Variants in SUSD2 observed in about 807,000 individuals in gnomAD.
SUSD2 encodes sushi domain-containing protein 2.
In SUSD2, 86 loss-of-function variants were observed where a neutral mutation model predicts 93.8. The ratio of observed to expected loss-of-function variants is 0.92; its 90% CI spans 0.77 to 1.10. The LOEUF is 1.10. SUSD2 is among the 50% of genes least tolerant of loss of function. The probability of loss-of-function intolerance (pLI) is 0.00; values close to 1 mark genes in which losing one functional copy is unlikely to be tolerated. For synonymous variants in SUSD2, 483 were observed against 485.0 expected (o/e 1.00, Z 0.05); for missense variants, 1,060 against 1,137.0 (o/e 0.93, Z 0.97).
intron 1 of SUSD2, among the ~76,000 whole-genome samples, chr22:24,181,871 C>T (rs1324237650): frequency 1.3e-5 from 2 of 152,142 alleles, no homozygotes; most frequent in African/African-American, 4.8e-5. Flanking sequence ...CCTGACAGGG[C>T]GGGATCACGG....
Position 24,185,641 on chromosome 22 carries a change from T to C in SUSD2, c.1071-20T>C, listed in dbSNP as rs1053644051. 8 of 1,608,530 alleles carry C rather than the reference T, an allele frequency of 5.0e-6. No individual in the cohort carries two copies. In the African/African-American group the frequency reaches 9.4e-5, roughly 19 times the overall value. Reference sequence around the variant, plus strand: ...TGGGCTCCCAACAGTGGCCTGGCCCTGACTCACTGGCTCCTGCAGCCTCCG... The same window carrying C: ...TGGGCTCCCAACAGTGGCCTGGCCCCGACTCACTGGCTCCTGCAGCCTCCG... On this transcript the variant is annotated intron_variant, in intron 7 of 14. Coordinates refer to ENST00000358321, the MANE Select transcript of SUSD2 (RefSeq NM_019601.4).
In SUSD2 at chr22:24,187,292, TGA is replaced by T; in HGVS notation, c.1735_1736del (p.Ser579CysfsTer7). 6.2e-7 allele frequency: 1 copy of T among 1,614,108 alleles called. No individual in the cohort carries two copies. Among genetic ancestry groups the T allele is most frequent in the African/African-American group, 1.3e-5 (1 of 75,014 alleles). On this transcript the variant is annotated frameshift_variant, in exon 11 of 15. Coordinates refer to ENST00000358321, the MANE Select transcript of SUSD2 (RefSeq NM_019601.4). LOFTEE classifies it high-confidence loss of function. Reference sequence around the variant, plus strand: ...GAGGTCAGCGTGCAGGGCCCGTTCCTGAGTGTGTCCGTCCTGCTGCCTGAGAA... The same window carrying T: ...GAGGTCAGCGTGCAGGGCCCGTTCCTGTGTGTCCGTCCTGCTGCCTGAGAA...
In SUSD2 at chr22:24,183,575, G is replaced by C; in HGVS notation, c.368G>C (p.Ser123Thr). The change falls in exon 3 of 15, where the codon AGC (serine) becomes ACC (threonine). Residue 123 changes from serine to threonine, a missense_variant. By Grantham distance (58) the Ser-to-Thr change is moderately conservative. Transcript: ENST00000358321. The part of the protein sequence containing the change: ...VHCVSPLLYE[S>T]GRIPFTVSLD... The stretch of plus-strand genomic sequence containing the variant: ...TGTGTGTCACCTCTGCTCTATGAGA[G>C]CGGCCGCATCCCCTTCACTGTGTCA... 6.2e-7 allele frequency: 1 copy of C among 1,613,446 alleles called. No individual in the cohort carries two copies. Among genetic ancestry groups the C allele is most frequent in the Admixed American group, 1.7e-5 (1 of 60,028 alleles).
At chr22:24,181,727 G>A in intron 1 of SUSD2, 132 bp downstream of exon 1, 1 of 715,700 alleles carries the variant, frequency 1.4e-6, no homozygotes. Flanking sequence ...GGGGTGATGG[G>A]AAGAAATTCT....
chr22:24,185,606 G>T (rs1426728274), intron 7 of SUSD2, 35 bp downstream of exon 7: 7 of 1,603,996 alleles, frequency 4.4e-6, no homozygotes. Context: ...ATGGGGATTG[G>T]GGTCAGGGGT....
At chr22:24,182,876 C>T (rs1173988002) in intron 1 of SUSD2, 181 bp from the exon 2 acceptor site, 3 of 602,590 alleles carry the variant, frequency 5.0e-6, no homozygotes, top group Non-Finnish European at 8.8e-6. Context: ...AGATTCATCC[C>T]ATCCCCACGG....
At chr22:24,181,812 A>C (rs2047327576) in intron 1 of SUSD2, among the ~76,000 whole-genome samples, 1 of 152,266 alleles carries the variant, frequency 6.6e-6, no homozygotes, top group East Asian at 1.9e-4. Context: ...GCTGGTAGCT[A>C]GGAGGGAGGC....
At chr22:24,184,727 G>T in intron 4 of SUSD2, 39 bp from the exon 5 acceptor site, 1 of 1,525,548 alleles carries the variant, frequency 6.6e-7, no homozygotes, top group Non-Finnish European at 8.8e-7. Flanking sequence ...GCCAGGCCTC[G>T]AAGGAACCCC....
In SUSD2 at chr22:24,187,437, G is replaced by A; in HGVS notation, c.1878G>A (p.Leu626=). Residue 626 remains leucine (L), a synonymous_variant, in exon 11 of 15, where the codon CTG becomes CTA. Transcript: ENST00000358321. ...PPGTSPQELF[L]FGANWTVHNA... is the part of the protein sequence containing the mutation. ...GCACCAGTCCCCAGGAGCTGTTCCT[G>A]TTTGGGGCCAACTGTGAGTGACCGT... The A allele has an allele frequency of 1.2e-6, 2 of 1,613,002 alleles. No individual in the cohort carries two copies. The highest frequency in any genetic ancestry group is 1.7e-6 in the Non-Finnish European group (2 of 1,179,976).
At chr22:24,186,624 C>G in intron 10 of SUSD2, 1 of 617,172 alleles carries the variant, frequency 1.6e-6, no homozygotes. Context: ...TGGGACATGT[C>G]CTCCCTACGG....
intron 10 of SUSD2, 186 bp downstream of exon 10, chr22:24,186,601 G>T: frequency 1.5e-6 from 1 of 678,982 alleles, no homozygotes; most frequent in Non-Finnish European, 2.4e-6. Context: ...CAAAAGCCGA[G>T]AGGCCGTGAC....
chr22:24,181,657 G>A, intron 1 of SUSD2, 62 bp downstream of exon 1: 1 of 1,331,754 alleles, frequency 7.5e-7, no homozygotes, highest in Non-Finnish European at 1.0e-6. Flanking sequence ...GCCAGGCCTG[G>A]GCTGACATCC....
At position 24,185,862 on chromosome 22, in the gene SUSD2, C is replaced by T. The variant is rs371925472; in HGVS notation, c.1272C>T (p.Pro424=). The part of the protein sequence containing the change: ...LSFYYCCLWA[P]DCPRYMQRRP... ...TCTATTACTGCTGCCTCTGGGCACC[C>T]GACTGCCCCCGCTACATGCAACGGC... The change falls in exon 8 of 15, where the codon CCC becomes CCT. Residue 424 remains proline, a synonymous_variant. Coordinates refer to ENST00000358321, the MANE Select transcript of SUSD2 (RefSeq NM_019601.4). The T allele has an allele frequency of 1.7e-5, 27 of 1,596,884 alleles. No individual in the cohort carries two copies. The African/African-American group carries it at 1.7e-4, about 10-fold the overall frequency.
At chr22:24,181,695 C>A in intron 1 of SUSD2, 100 bp downstream of exon 1, 1 of 960,620 alleles carries the variant, frequency 1.0e-6, no homozygotes, top group Non-Finnish European at 1.5e-6. Context: ...GTCCATCTGT[C>A]AGGCCATCTG....
rs138048095 is a variant in SUSD2 at position 24,188,312 on chromosome 22, G to A, written c.2429G>A (p.Arg810His). Reference sequence around the variant, plus strand: ...GCGCTCGTCTATGTGCTGCTGCGCCGCAGGAAGGGCAACACGTGAGACCCC... The same window carrying A: ...GCGCTCGTCTATGTGCTGCTGCGCCACAGGAAGGGCAACACGTGAGACCCC... ...AVALVYVLLR[R>H]RKGNTHVWGA... The change falls in exon 14 of 15, where the codon CGC becomes CAC. Residue 810 changes from arginine to histidine, a missense_variant. Arg to His is a conservative substitution (Grantham distance 29). Coordinates refer to ENST00000358321, the MANE Select transcript of SUSD2 (RefSeq NM_019601.4). The surrounding 1 kb of genome is among the most constrained non-coding windows in gnomAD (Gnocchi z 4.7). The A allele has an allele frequency of 8.0e-4, 1,278 of 1,605,400 alleles. 4 individuals carry two copies. Among genetic ancestry groups the A allele is most frequent in the Non-Finnish European group, 1.0e-3 (1,196 of 1,176,554 alleles).
In SUSD2 at chr22:24,185,283, C is replaced by T. The variant is rs763692383; in HGVS notation, c.972C>T (p.Ser324=). 4.1e-5 allele frequency: 66 copies of T among 1,603,978 alleles called. No individual in the cohort carries two copies. The highest frequency in any genetic ancestry group is 6.7e-5 in the East Asian group (3 of 44,868). The stretch of plus-strand genomic sequence containing the variant: ...CCCTGACCCAGGCCCGGGCTGACTC[C>T]GGCCGCTTCTTCGTGAGCCTCCCAT... ...PCTLTQARAD[S]GRFFTDYGCD... The change falls in exon 6 of 15, where the codon TCC becomes TCT. Residue 324 remains serine, a synonymous_variant. Transcript: ENST00000358321.
rs775058351 is a variant in SUSD2 at position 24,181,530 on chromosome 22, C to T, written c.11C>T (p.Ala4Val). 1.3e-6 allele frequency: 2 copies of T among 1,587,072 alleles called. No individual in the cohort carries two copies. Among genetic ancestry groups the T allele is most frequent in the Non-Finnish European group, 1.7e-6 (2 of 1,170,688 alleles). The change falls in exon 1 of 15, where the codon GCC (alanine) becomes GTC (valine). Residue 4 changes from alanine to valine, a missense_variant. By Grantham distance (64) the Ala-to-Val change is moderately conservative. This residue lies in a region of SUSD2 where 87 missense variants were observed against 131.6 expected (regional missense o/e 0.66). Transcript: ENST00000358321. MKP[A>V]LLPWALLLLA... The stretch of plus-strand genomic sequence containing the variant: ...GACACAGGCTGCACCATGAAGCCAG[C>T]CCTCCTGCCCTGGGCCCTGCTGCTG...
rs369699608 is a variant in SUSD2, at chr22:24,187,306, C to G, written c.1747C>G (p.Leu583Val). The G allele has an allele frequency of 4.3e-6, 7 of 1,614,118 alleles. No individual in the cohort carries two copies. In the African/African-American group the frequency reaches 8.0e-5, roughly 18 times the overall value. ...VQGPFLSVSV[L>V]LPEKFLTHTH... ...GGGCCCGTTCCTGAGTGTGTCCGTC[C>G]TGCTGCCTGAGAAGTTCCTCACCCA... Residue 583 changes from leucine (L) to valine (V), a missense_variant, in exon 11 of 15, where the codon CTG becomes GTG. Leu to Val is a conservative substitution (Grantham distance 32, BLOSUM62 1). Transcript: ENST00000358321.
At chr22:24,187,130 C>A in intron 10 of SUSD2, 72 bp from the exon 11 acceptor site, 1 of 1,556,756 alleles carries the variant, frequency 6.4e-7, no homozygotes, top group South Asian at 1.2e-5. Flanking sequence ...TGCCGACCAC[C>A]CTGTCCTGGG....
Sources: gnomAD v4.1 joint callset for allele counts (sites outside exome capture counted in the v4.1 genomes callset) on GRCh38, gnomAD v4.1.1 for gene constraint, gnomAD v4.1.1 regional missense constraint, Gnocchi (gnomAD v3.1) non-coding constraint, MANE v1.5 for transcripts, NCBI Gene and HGNC (gene_info 2026-07-23, HGNC 2026-07-21) for gene names.